The following PCDH9 variants were observed in gnomAD, a reference collection of about 807,000 sequenced individuals.
PCDH9 encodes the protein protocadherin 9.
PCDH9 carries 24 observed loss-of-function variants against 70.6 expected under a neutral mutation model. The ratio of observed to expected loss-of-function variants is 0.34; its 90% confidence interval spans 0.25 to 0.48. The LOEUF (loss-of-function observed/expected upper bound fraction) is 0.48, where lower values mean the gene tolerates loss of function less well. Ranked by LOEUF, PCDH9 falls within the 20% of genes least tolerant of loss-of-function variation. The probability of loss-of-function intolerance (pLI) is 0.99; values close to 1 mark genes in which losing one functional copy is unlikely to be tolerated. For missense variants in PCDH9, 1,281 were observed against 1,503.6 expected, an observed-to-expected ratio of 0.85 and a Z score of 2.45; for synonymous variants, 562 against 558.5, an observed-to-expected ratio of 1.01 and a Z score of -0.09.
intron 4 of PCDH9, among the ~76,000 whole-genome samples, chr13:66,308,733 C>G (rs911115563): frequency 1.3e-5 from 2 of 151,850 alleles, no homozygotes; most frequent in African/African-American, 4.8e-5. Context: ...ACAGCAATGT[C>G]AAATTATCTA....
intron 4 of PCDH9, among the ~76,000 whole-genome samples, chr13:66,573,826 T>G (rs183249596): frequency 3.3e-5 from 5 of 152,290 alleles, no homozygotes; most frequent in Admixed American, 6.5e-5. Context: ...TACTTGCATG[T>G]GGACATAGGA....
intron 4 of PCDH9, among the ~76,000 whole-genome samples, chr13:66,549,352 TG>T (rs1355245894): frequency 6.6e-6 from 1 of 152,070 alleles, no homozygotes; most frequent in East Asian, 1.9e-4. Context: ...CTTTTACTTT[TG>T]TGATTTTTTT....
chr13:66,471,091 C>T (rs980754764), intron 4 of PCDH9, among the ~76,000 whole-genome samples: 4 of 151,854 alleles, frequency 2.6e-5, no homozygotes, highest in Admixed American at 2.0e-4. Flanking sequence ...TAAGCCAGAT[C>T]ACCAAAGAAC....
intron 4 of PCDH9, among the ~76,000 whole-genome samples, chr13:66,600,479 C>A (rs2138843068): frequency 6.6e-6 from 1 of 151,974 alleles, no homozygotes; most frequent in South Asian, 2.1e-4. Flanking sequence ...AAACATAATA[C>A]AAACTAAAAG....
intron 3 of PCDH9, among the ~76,000 whole-genome samples, chr13:66,685,156 AGG>A (rs2078382540): frequency 6.6e-6 from 1 of 152,196 alleles, no homozygotes; most frequent in Non-Finnish European, 1.5e-5. Context: ...AGAGGTCTCC[AGG>A]GCAGCCCCTC....
At chr13:66,964,430 C>T (rs2083399246) in intron 2 of PCDH9, among the ~76,000 whole-genome samples, 1 of 151,908 alleles carries the variant, frequency 6.6e-6, no homozygotes, top group South Asian at 2.1e-4. Context: ...CCCTATGACC[C>T]AAAGCTATTG....
At chr13:67,201,621 G>A (rs768037791) in intron 2 of PCDH9, 3 of 151,760 alleles carry the variant, frequency 2.0e-5, no homozygotes, top group Non-Finnish European at 4.4e-5. Context: ...GTATCACCTA[G>A]TTCTTGAGCC....
At chr13:67,154,703 ATC>A (rs202216511) in intron 2 of PCDH9, among the ~76,000 whole-genome samples, 18,320 of 135,954 alleles carry the variant, frequency 0.13, 1,541 homozygotes, top group Non-Finnish European at 0.19. Flanking sequence ...TTGATCTGTA[ATC>A]TTTTTTTTTT....
chr13:66,446,554 T>G (rs1287213003), intron 4 of PCDH9, among the ~76,000 whole-genome samples: 3 of 152,042 alleles, frequency 2.0e-5, no homozygotes, highest in African/African-American at 7.2e-5. Flanking sequence ...ATGCTACATA[T>G]GAAAGGAATG....
intron 3 of PCDH9, among the ~76,000 whole-genome samples, chr13:66,724,662 T>C (rs1382643580): frequency 2.0e-5 from 3 of 152,094 alleles, no homozygotes; most frequent in Non-Finnish European, 2.9e-5. Flanking sequence ...CTCCCATCCC[T>C]CACCTTTCCA....
At chr13:66,707,826 A>C (rs1375082376) in intron 3 of PCDH9, among the ~76,000 whole-genome samples, 4 of 152,168 alleles carry the variant, frequency 2.6e-5, no homozygotes, top group Non-Finnish European at 4.4e-5. Flanking sequence ...TAATACTCAA[A>C]ATATTTACAA....
chr13:67,158,637 A>G (rs973754025), intron 2 of PCDH9, among the ~76,000 whole-genome samples: 2 of 152,228 alleles, frequency 1.3e-5, no homozygotes, highest in Admixed American at 1.3e-4. Context: ...CAGATCTGCC[A>G]GCATCTTCAT....
At chr13:66,501,010 T>C (rs1959174256) in intron 4 of PCDH9, among the ~76,000 whole-genome samples, 1 of 152,050 alleles carries the variant, frequency 6.6e-6, no homozygotes, top group African/African-American at 2.4e-5. Flanking sequence ...CTTTATTAGG[T>C]TTAATTATAT....
chr13:67,176,004 T>C (rs578254662), intron 2 of PCDH9, among the ~76,000 whole-genome samples: 3 of 152,192 alleles, frequency 2.0e-5, no homozygotes, highest in Admixed American at 2.0e-4. Context: ...GCTGATGTGT[T>C]TGATTGAGCT....
At chr13:67,130,371 A>G (rs995275713) in intron 2 of PCDH9, among the ~76,000 whole-genome samples, 4 of 152,196 alleles carry the variant, frequency 2.6e-5, no homozygotes, top group African/African-American at 4.8e-5. Context: ...TAAAGGGCAT[A>G]GGTGAAAGAG....
chr13:66,546,077 A>T (rs1401248513), intron 4 of PCDH9, among the ~76,000 whole-genome samples: 1 of 151,556 alleles, frequency 6.6e-6, no homozygotes, highest in East Asian at 1.9e-4. Context: ...TGACCTCATG[A>T]TCCATCCATC....
chr13:66,484,840 T>C (rs1958912571), intron 4 of PCDH9, among the ~76,000 whole-genome samples: 1 of 152,230 alleles, frequency 6.6e-6, no homozygotes, highest in South Asian at 2.1e-4. Flanking sequence ...TGCATATCTC[T>C]CTGGCTTGTT....
chr13:66,706,618 C>T (rs547583686), intron 3 of PCDH9, among the ~76,000 whole-genome samples: 1 of 152,190 alleles, frequency 6.6e-6, no homozygotes, highest in South Asian at 2.1e-4. Context: ...AAAACAAATG[C>T]CAAGTGACAA....
intron 2 of PCDH9, among the ~76,000 whole-genome samples, chr13:67,035,170 G>A (rs2084985352): frequency 6.6e-6 from 1 of 152,034 alleles, no homozygotes; most frequent in Admixed American, 6.6e-5. Context: ...TTTTGACCAA[G>A]GGTACACCAC....
Sources: allele counts gnomAD v4.1 joint callset (sites outside exome capture counted in the v4.1 genomes callset), GRCh38; gene constraint gnomAD v4.1.1; transcripts MANE v1.5; gene names NCBI Gene and HGNC (gene_info 2026-07-23, HGNC 2026-07-21).